The following BTBD8 variants were observed in gnomAD, a reference collection of about 807,000 sequenced individuals.
BTBD8 encodes BTB domain containing 8.
BTBD8 carries 110 observed loss-of-function variants against 162.9 expected under a neutral mutation model. The observed-to-expected ratio is 0.68, with a 90% CI of 0.58 to 0.79. BTBD8 has a LOEUF of 0.79. Ranked by LOEUF, BTBD8 falls within the 30% of genes least tolerant of loss-of-function variation. The pLI, the probability that BTBD8 is intolerant of heterozygous loss-of-function variation, is 0.00. For missense variants in BTBD8, 1,905 were observed against 2,085.4 expected, an observed-to-expected ratio of 0.91 and a Z score of 1.68; for synonymous variants, 667 against 716.1, an observed-to-expected ratio of 0.93 and a Z score of 1.10.
rs149786321 is a variant in BTBD8, at chr1:92,121,469, T to C, written c.663-8218T>C. 4.6e-3 allele frequency among the ~76,000 whole-genome samples: 700 copies of C among 152,336 alleles called. 7 individuals carry two copies. The highest frequency in any genetic ancestry group is 0.016 in the African/African-American group (659 of 41,582). On this transcript the variant is annotated intron_variant, in intron 4 of 17. Coordinates refer to ENST00000636805, the MANE Select transcript of BTBD8 (RefSeq NM_001376131.1). ...TAAGATTGATTTTTTTTAAAACTTA[T>C]GTCGTCCTTAAATATTTATTAGAAT... is the stretch of plus-strand genomic sequence containing the variant.
In BTBD8 at chr1:92,166,985, A is replaced by C; in HGVS notation, c.1150A>C (p.Met384Leu). 1.3e-6 allele frequency: 2 copies of C among 1,548,500 alleles called. No individual in the cohort carries two copies. Among genetic ancestry groups the C allele is most frequent in the South Asian group, 2.4e-5 (2 of 83,706 alleles). Residue 384 changes from methionine to leucine, a missense_variant, in exon 10 of 18, where the codon ATG (methionine) becomes CTG (leucine). Physicochemically the swap from Met to Leu is conservative, Grantham distance 15. Transcript: ENST00000636805. ...LNDKNAAFLL[M>L]ESDRLIISLP... Reference sequence around the variant, plus strand: ...TGATAAGAATGCTGCTTTTCTTCTGATGGAAAGTGACAGGCTAATCATCAG... The same window carrying C: ...TGATAAGAATGCTGCTTTTCTTCTGCTGGAAAGTGACAGGCTAATCATCAG...
At chr1:92,169,348 T>A (rs1650470847) in intron 12 of BTBD8, among the ~76,000 whole-genome samples, 1 of 152,220 alleles carries the variant, frequency 6.6e-6, no homozygotes. Flanking sequence ...TCCTCCTTTT[T>A]AAATATGTTT....
chr1:92,165,223 C>A (rs530082776), intron 9 of BTBD8, among the ~76,000 whole-genome samples: 1 of 151,998 alleles, frequency 6.6e-6, no homozygotes, highest in South Asian at 2.1e-4. Flanking sequence ...GACTCTGTCA[C>A]CAATCATATT....
intron 1 of BTBD8, among the ~76,000 whole-genome samples, chr1:92,080,998 C>T (rs1647998071): frequency 6.6e-6 from 1 of 152,208 alleles, no homozygotes; most frequent in Admixed American, 6.5e-5. Context: ...AGAAATATCT[C>T]AACACAGGCA....
At chr1:92,096,484 C>G (rs1422322976) in intron 2 of BTBD8, among the ~76,000 whole-genome samples, 1 of 152,080 alleles carries the variant, frequency 6.6e-6, no homozygotes, top group African/African-American at 2.4e-5. Context: ...GGAAAACACA[C>G]AGTCATGCTA....
intron 9 of BTBD8, among the ~76,000 whole-genome samples, chr1:92,161,004 G>T (rs898336735): frequency 6.6e-6 from 1 of 152,166 alleles, no homozygotes; most frequent in African/African-American, 2.4e-5. Flanking sequence ...CTTCCCCAGG[G>T]AGAAGCTGGG....
chr1:92,153,952 G>T (rs1650100930), intron 9 of BTBD8, among the ~76,000 whole-genome samples: 1 of 152,130 alleles, frequency 6.6e-6, no homozygotes, highest in Non-Finnish European at 1.5e-5. Flanking sequence ...TGGTGGGAGG[G>T]ATTTGGGTCA....
rs778402295 is a variant in BTBD8, at chr1:92,080,580, C to G, written c.9C>G (p.Arg3=). The change falls in exon 1 of 18, where the codon CGC becomes CGG. Residue 3 remains arginine, a synonymous_variant. Coordinates refer to ENST00000636805, the MANE Select transcript of BTBD8 (RefSeq NM_001376131.1). MA[R]CGEGSAAPMV... ...TCGTACCTCTGTGAGACATGGCTCG[C>G]TGTGGGGAAGGCAGTGCGGCCCCCA... 1.2e-4 allele frequency: 188 copies of G among 1,613,770 alleles called. No individual in the cohort carries two copies. Among genetic ancestry groups the G allele is most frequent in the Non-Finnish European group, 1.5e-4 (181 of 1,179,894 alleles).
intron 13 of BTBD8, among the ~76,000 whole-genome samples, chr1:92,173,358 G>T (rs774617084): frequency 2.0e-5 from 3 of 152,128 alleles, no homozygotes; most frequent in Non-Finnish European, 4.4e-5. Flanking sequence ...CTAGGGTCCC[G>T]ACAACCCTTT....
chr1:92,180,677 A>T lies in BTBD8; in HGVS notation c.2994A>T (p.Ile998=). 6.4e-7 allele frequency: 1 copy of T among 1,551,440 alleles called. No individual in the cohort carries two copies. The highest frequency in any genetic ancestry group is 8.7e-7 in the Non-Finnish European group (1 of 1,146,866). The change falls in exon 17 of 18, where the codon ATA becomes ATT. Residue 998 remains isoleucine (I), a synonymous_variant. Transcript: ENST00000636805. ...HKPLINLASE[I]SDAEALQSSC... ...CTCTCATTAATCTTGCATCTGAAAT[A>T]AGTGATGCAGAAGCACTCCAGTCAT...
intron 5 of BTBD8, among the ~76,000 whole-genome samples, chr1:92,136,896 G>T (rs1649647163): frequency 6.6e-6 from 1 of 152,162 alleles, no homozygotes; most frequent in South Asian, 2.1e-4. Context: ...TCAGGGACTG[G>T]CTCATAAGTG....
intron 4 of BTBD8, among the ~76,000 whole-genome samples, chr1:92,117,188 A>G (rs1649065548): frequency 6.6e-6 from 1 of 151,662 alleles, no homozygotes; most frequent in Non-Finnish European, 1.5e-5. Flanking sequence ...TTCTCTTGTC[A>G]TTTCTGGGTC....
intron 2 of BTBD8, 135 bp from the exon 3 acceptor site, chr1:92,102,338 T>C (rs1648611674): frequency 3.7e-6 from 3 of 801,478 alleles, no homozygotes; most frequent in Admixed American, 8.4e-5. Context: ...TATTTTAGAT[T>C]GACCTTTCTA....
At chr1:92,165,266 A>G (rs548923122) in intron 9 of BTBD8, among the ~76,000 whole-genome samples, 1 of 152,226 alleles carries the variant, frequency 6.6e-6, no homozygotes. Context: ...AGTGTCTACT[A>G]TGACCCAGTT....
chr1:92,126,329 T>C lies in BTBD8; in HGVS notation c.663-3358T>C, dbSNP rs187346144. The stretch of plus-strand genomic sequence containing the variant: ...TTGCATTCCTGATGAATCACCCTCC[T>C]GCTGCCACAGTGGTTGTACATGGCC... On this transcript the variant is annotated intron_variant, in intron 4 of 17. Transcript: ENST00000636805. 3.1e-4 allele frequency: 187 copies of C among 596,546 alleles called. 1 individual carries two copies. The East Asian group carries it at 7.3e-3, about 23-fold the overall frequency. The allele number at this position is 596,546 out of a possible 1,614,324, so 37.0% of individuals were successfully genotyped here.
In BTBD8 at chr1:92,182,310, T is replaced by G; in HGVS notation, c.4627T>G (p.Ser1543Ala). 1.3e-6 allele frequency: 2 copies of G among 1,551,152 alleles called. No individual in the cohort carries two copies. The highest frequency in any genetic ancestry group is 1.7e-6 in the Non-Finnish European group (2 of 1,146,838). Residue 1543 changes from serine (S) to alanine (A), a missense_variant, in exon 17 of 18, where the codon TCC becomes GCC. By Grantham distance (99) the Ser-to-Ala change is moderately conservative (BLOSUM62 1). Coordinates refer to ENST00000636805, the MANE Select transcript of BTBD8 (RefSeq NM_001376131.1). Reference protein sequence around the residue: ...TEKKNTIDVLSSRSRQLLRED... With the variant: ...TEKKNTIDVLASRSRQLLRED... ...AAAAAAGAACACAATAGACGTCCTA[T>G]CCAGTAGAAGCAGACAGCTTCTTCG...
intron 4 of BTBD8, chr1:92,115,841 C>T (rs550381637): frequency 1.2e-5 from 2 of 169,858 alleles, no homozygotes; most frequent in Non-Finnish European, 2.6e-5. Flanking sequence ...TGCCCAAGAA[C>T]GGAAGGAGCA....
In BTBD8 at chr1:92,165,133, A is replaced by AT. The variant is rs200502287; in HGVS notation, c.1123-1825_1123-1824insT. On this transcript the variant is annotated intron_variant, in intron 9 of 17. Transcript: ENST00000636805. The stretch of plus-strand genomic sequence containing the variant: ...AAGACTTGTGTCAAAAAAAAAAAAA[A>AT]AAGAATTATTAGTAAATGGTTAAAA... 5.6e-3 allele frequency among the ~76,000 whole-genome samples: 854 copies of AT among 152,164 alleles called. 7 individuals carry two copies. The highest frequency in any genetic ancestry group is 0.018 in the African/African-American group (749 of 41,478).
chr1:92,152,912 G>A (rs1336046271), intron 9 of BTBD8, among the ~76,000 whole-genome samples: 1 of 152,140 alleles, frequency 6.6e-6, no homozygotes. Context: ...TGTCTTTGTG[G>A]ATAATCAGGT....
Sources: gnomAD v4.1 joint callset for allele counts (sites outside exome capture counted in the v4.1 genomes callset) on GRCh38, gnomAD v4.1.1 for gene constraint, MANE v1.5 for transcripts, NCBI Gene and HGNC (gene_info 2026-07-23, HGNC 2026-07-21) for gene names.